Variants in GRXCR1 observed in about 807,000 individuals in gnomAD.
GRXCR1 encodes the protein glutaredoxin domain-containing cysteine-rich protein 1.
GRXCR1 carries 27 observed loss-of-function variants against 27.3 expected under a neutral mutation model. The observed-to-expected ratio is 0.99, with a 90% CI of 0.73 to 1.37. The LOEUF (loss-of-function observed/expected upper bound fraction) is 1.37. GRXCR1 is among the 40% of genes most tolerant of loss of function. The pLI is 0.00. For synonymous variants in GRXCR1, 122 were observed against 131.1 expected (o/e 0.93, Z 0.47); for missense variants, 379 against 354.4 (o/e 1.07, Z -0.56).
At position 43,030,439 on chromosome 4, in the gene GRXCR1, A is replaced by T. The variant is rs769785054; in HGVS notation, c.772A>T (p.Met258Leu). 2 of 1,614,038 alleles carry T rather than the reference A, an allele frequency of 1.2e-6. No homozygotes were observed. The highest frequency in any genetic ancestry group is 2.2e-5 in the East Asian group (1 of 44,866). ...LPCSVCHGSK[M>L]SMFRNCFTDS... ...ATGCTCCGTGTGCCATGGGAGCAAG[A>T]TGTCCATGTTTCGAAACTGCTTCAC... The change falls in exon 4 of 4, where the codon ATG becomes TTG. Residue 258 changes from methionine to leucine, a missense_variant. Transcript: ENST00000399770.
chr4:42,932,239 A>T (rs550739135), intron 1 of GRXCR1, among the ~76,000 whole-genome samples: 31 of 151,588 alleles, frequency 2.0e-4, no homozygotes, highest in Non-Finnish European at 4.0e-4. Context: ...CCTCCTCTTG[A>T]TGTATGCATT....
chr4:42,978,779 T>C (rs1225756094), intron 2 of GRXCR1, among the ~76,000 whole-genome samples: 1 of 152,068 alleles, frequency 6.6e-6, no homozygotes, highest in African/African-American at 2.4e-5. Flanking sequence ...TTTGTGTCCC[T>C]ATCCAAATCT....
chr4:43,003,415 G>A (rs973158903), intron 2 of GRXCR1, among the ~76,000 whole-genome samples: 2 of 152,302 alleles, frequency 1.3e-5, no homozygotes, highest in Admixed American at 6.5e-5. Flanking sequence ...AGCAACTTTG[G>A]AACTGGGTAC....
intron 1 of GRXCR1, among the ~76,000 whole-genome samples, chr4:42,933,391 G>C (rs1193260579): frequency 6.6e-6 from 1 of 151,770 alleles, no homozygotes; most frequent in Non-Finnish European, 1.5e-5. Flanking sequence ...GAGCTGCCTG[G>C]GTCTGTTAGA....
intron 1 of GRXCR1, among the ~76,000 whole-genome samples, chr4:42,939,842 G>T (rs997099153): frequency 6.6e-6 from 1 of 151,916 alleles, no homozygotes; most frequent in Admixed American, 6.6e-5. Context: ...TTGCCCAGGG[G>T]TATATCCTCC....
intron 2 of GRXCR1, among the ~76,000 whole-genome samples, chr4:42,983,084 CT>C (rs1277566906): frequency 2.0e-5 from 3 of 150,962 alleles, no homozygotes; most frequent in Admixed American, 6.6e-5. Context: ...TCAATTTTGG[CT>C]TTTGTTGCCA....
intron 2 of GRXCR1, among the ~76,000 whole-genome samples, chr4:43,016,824 T>G (rs1200563517): frequency 6.6e-6 from 1 of 152,236 alleles, no homozygotes; most frequent in Non-Finnish European, 1.5e-5. Context: ...GCAATCTTAG[T>G]TGGCAGAGGC....
At chr4:43,001,455 G>C (rs540459014) in intron 2 of GRXCR1, among the ~76,000 whole-genome samples, 1 of 152,172 alleles carries the variant, frequency 6.6e-6, no homozygotes, top group South Asian at 2.1e-4. Context: ...CTGAATTCAG[G>C]AATCAGTGAC....
At chr4:43,009,217 C>T (rs554151465) in intron 2 of GRXCR1, among the ~76,000 whole-genome samples, 1 of 152,280 alleles carries the variant, frequency 6.6e-6, no homozygotes, top group African/African-American at 2.4e-5. Flanking sequence ...CTCTCCAAAC[C>T]AGACACAGTT....
At chr4:42,918,580 C>A (rs1049982999) in intron 1 of GRXCR1, among the ~76,000 whole-genome samples, 2 of 152,124 alleles carry the variant, frequency 1.3e-5, no homozygotes, top group Non-Finnish European at 2.9e-5. Context: ...CTTGAAAGAG[C>A]AGATGACAAC....
intron 1 of GRXCR1, among the ~76,000 whole-genome samples, chr4:42,930,504 TA>T (rs1221436899): frequency 6.6e-6 from 1 of 152,016 alleles, no homozygotes; most frequent in Non-Finnish European, 1.5e-5. Context: ...CCTCTCCTTT[TA>T]TCCCTCTATG....
chr4:42,955,302 G>A (rs1333114261), intron 1 of GRXCR1, among the ~76,000 whole-genome samples: 1 of 152,100 alleles, frequency 6.6e-6, no homozygotes, highest in East Asian at 1.9e-4. Flanking sequence ...TGCCCCGTGT[G>A]ATGTAAGTGA....
intron 2 of GRXCR1, among the ~76,000 whole-genome samples, chr4:43,017,284 T>G (rs907378093): frequency 1.3e-5 from 2 of 152,152 alleles, no homozygotes; most frequent in African/African-American, 4.8e-5. Context: ...CTAGGAGTTC[T>G]CTGTACCATT....
rs1423848241 is a variant in GRXCR1 at position 42,894,663 on chromosome 4, T to C, written c.384+1013T>C. Among the ~76,000 whole-genome samples, 5 of 151,116 alleles carry C rather than the reference T, an allele frequency of 3.3e-5. No homozygotes were observed. In the South Asian group the frequency reaches 1.1e-3, roughly 32 times the overall value. On this transcript the variant is annotated intron_variant, in intron 1 of 3. Coordinates refer to ENST00000399770, the MANE Select transcript of GRXCR1 (RefSeq NM_001080476.3). ...TCAGGAGGATTTAAAAAATTAGTTT[T>C]TGTTAAAGGATAAAAACAGTTGACA...
At chr4:42,998,331 G>C (rs769583064) in intron 2 of GRXCR1, among the ~76,000 whole-genome samples, 1 of 152,144 alleles carries the variant, frequency 6.6e-6, no homozygotes, top group Non-Finnish European at 1.5e-5. Flanking sequence ...AACTTGAAAA[G>C]AATACACCAA....
chr4:42,931,243 G>A (rs993669432), intron 1 of GRXCR1, among the ~76,000 whole-genome samples: 1 of 151,982 alleles, frequency 6.6e-6, no homozygotes. Context: ...AAAATGTACA[G>A]TCAGTAAGTA....
chr4:43,027,684 T>C (rs1183689078), intron 3 of GRXCR1, among the ~76,000 whole-genome samples: 2 of 152,192 alleles, frequency 1.3e-5, no homozygotes, highest in Non-Finnish European at 2.9e-5. Context: ...GAGAAAACCA[T>C]ATGGCTATTC....
chr4:42,961,003 A>G (rs772824279), intron 1 of GRXCR1, among the ~76,000 whole-genome samples: 10 of 151,324 alleles, frequency 6.6e-5, no homozygotes, highest in Non-Finnish European at 1.3e-4. Context: ...CACTCTCCCC[A>G]CCTCACCCTC....
chr4:42,956,937 C>A (rs1223537795), intron 1 of GRXCR1, among the ~76,000 whole-genome samples: 1 of 152,090 alleles, frequency 6.6e-6, no homozygotes, highest in African/African-American at 2.4e-5. Context: ...GACCCAAGAT[C>A]ATTAAAATAC....
Sources: allele counts gnomAD v4.1 joint callset (sites outside exome capture counted in the v4.1 genomes callset), GRCh38; gene constraint gnomAD v4.1.1; transcripts MANE v1.5; gene names NCBI Gene and HGNC (gene_info 2026-07-23, HGNC 2026-07-21).